CACNA1A: variants seen among roughly 807,000 people sequenced by gnomAD.
CACNA1A encodes the protein voltage-dependent P/Q-type calcium channel subunit alpha-1A.
Under a neutral mutation model 262.4 loss-of-function variants are expected in CACNA1A, and 57 were observed. That is an observed-to-expected ratio of 0.22 (90% CI 0.18 to 0.27). CACNA1A has a LOEUF of 0.27. Ranked by LOEUF, CACNA1A falls within the 10% of genes least tolerant of loss-of-function variation. The pLI, the probability that CACNA1A is intolerant of heterozygous loss-of-function variation, is 1.00. For synonymous variants in CACNA1A, 1,431 were observed against 1,419.3 expected, an observed-to-expected ratio of 1.01 and a Z score of -0.18; for missense variants, 2,526 against 3,562.8, an observed-to-expected ratio of 0.71 and a Z score of 7.41.
At chr19:13,223,290 T>C (rs891690134) in intron 38 of CACNA1A, among the ~76,000 whole-genome samples, 5 of 152,010 alleles carry the variant, frequency 3.3e-5, no homozygotes, top group Non-Finnish European at 1.5e-5. Context: ...GCCTCCCAGG[T>C]TCAAGCGATT....
At chr19:13,366,866 C>G (rs2059221903) in intron 4 of CACNA1A, among the ~76,000 whole-genome samples, 1 of 152,164 alleles carries the variant, frequency 6.6e-6, no homozygotes, top group South Asian at 2.1e-4. Context: ...AGGAACCAGA[C>G]TCAACATTAT....
intron 5 of CACNA1A, chr19:13,364,813 T>C (rs1054046211): frequency 6.6e-6 from 1 of 152,230 alleles, no homozygotes; most frequent in Non-Finnish European, 1.5e-5. Context: ...CTAATTTTTG[T>C]ATTTTTTAGT....
chr19:13,365,468 A>G lies in CACNA1A; in HGVS notation c.633T>C (p.Ser211=), dbSNP rs202216404. The change falls in exon 5 of 47, where the codon AGT becomes AGC. Residue 211 remains serine, a splice_region_variant and synonymous_variant. Transcript: ENST00000360228. ...TGATCGACTTCAGGACGACTTGTAA[A>G]CCTGGGGGGACACAGAGAGAGGCCC... ...RPLKLVSGIP[S]LQVVLKSIMK... 2.1e-4 allele frequency: 335 copies of G among 1,613,056 alleles called. No individual in the cohort carries two copies. Among genetic ancestry groups the G allele is most frequent in the Non-Finnish European group, 2.8e-4 (327 of 1,179,462 alleles).
At chr19:13,247,697 CAAAAATAAATAAAT>C (rs1203872398) in intron 30 of CACNA1A, among the ~76,000 whole-genome samples, 30 of 100,652 alleles carry the variant, frequency 3.0e-4, no homozygotes, top group African/African-American at 1.1e-3. Context: ...GAGACTCCGT[CAAAAATAAATAAAT>C]AAAAATAAAT....
intron 10 of CACNA1A, 39 bp downstream of exon 10, chr19:13,330,205 G>A: frequency 7.0e-7 from 1 of 1,422,458 alleles, no homozygotes; most frequent in Non-Finnish European, 9.7e-7. Flanking sequence ...TGGGCGATAG[G>A]TGATGAACAA....
chr19:13,451,411 A>G (rs11882861), intron 3 of CACNA1A: 31,184 of 152,150 alleles, frequency 0.2, 4,454 homozygotes, highest in East Asian at 0.52. Context: ...CTTAGAATAG[A>G]AGAGCCCAGA....
At chr19:13,367,167 C>T (rs78783832) in intron 4 of CACNA1A, among the ~76,000 whole-genome samples, 11,289 of 151,848 alleles carry the variant, frequency 0.074, 965 homozygotes, top group African/African-American at 0.21. Context: ...TGGTGGCCAG[C>T]GCCTGTAATC....
intron 38 of CACNA1A, among the ~76,000 whole-genome samples, chr19:13,221,293 G>T (rs1402906504): frequency 8.2e-6 from 1 of 121,892 alleles, no homozygotes; most frequent in Non-Finnish European, 1.6e-5. Flanking sequence ...GAGTGCAATG[G>T]TTTGATCTCG....
chr19:13,502,111 T>C (rs1484694819), intron 1 of CACNA1A, among the ~76,000 whole-genome samples: 1 of 147,772 alleles, frequency 6.8e-6, no homozygotes, highest in Non-Finnish European at 1.5e-5. Context: ...CTCCCATGTC[T>C]CCCAGCGCTT....
intron 43 of CACNA1A, chr19:13,211,865 C>A: frequency 2.0e-6 from 1 of 496,320 alleles, no homozygotes; most frequent in Non-Finnish European, 3.6e-6. Context: ...GGCCACTGCC[C>A]TCTGCCCCAG....
At chr19:13,393,292 G>T (rs1303486391) in intron 3 of CACNA1A, among the ~76,000 whole-genome samples, 3 of 152,196 alleles carry the variant, frequency 2.0e-5, no homozygotes, top group Non-Finnish European at 1.5e-5. Context: ...ACAGCGATGA[G>T]AACAAATGAA....
rs565122495 is a variant in CACNA1A, at chr19:13,305,366, G to A, written c.1987-1482C>T. Among the ~76,000 whole-genome samples the A allele has an allele frequency of 1.6e-4, 25 of 152,286 alleles. No homozygotes were observed. In the South Asian group the frequency reaches 4.1e-3, roughly 25 times the overall value. ...GGCAAAGGATTAGGTGTTGACAGAC[G>A]CAAGTTGTGCTGATGCATACTGAAA... On this transcript the variant is annotated intron_variant, in intron 15 of 46. Coordinates refer to ENST00000360228, the MANE Select transcript of CACNA1A (RefSeq NM_001127222.2).
chr19:13,267,083 GAACT>G (rs1320571640), intron 24 of CACNA1A, among the ~76,000 whole-genome samples: 2 of 152,008 alleles, frequency 1.3e-5, no homozygotes, highest in Admixed American at 6.6e-5. Context: ...AACAGGCCCA[GAACT>G]AACGAGGCTG....
At chr19:13,344,177 G>A (rs780600833) in intron 6 of CACNA1A, among the ~76,000 whole-genome samples, 13 of 140,744 alleles carry the variant, frequency 9.2e-5, no homozygotes, top group Admixed American at 7.5e-5. Context: ...TCATGCTGCT[G>A]TACTCCAGCC....
chr19:13,334,151 T>A (rs913373232), intron 8 of CACNA1A: 4 of 512,280 alleles, frequency 7.8e-6, no homozygotes, highest in Middle Eastern at 5.2e-4. Flanking sequence ...TAAACCAGCG[T>A]CTGATTTCAG....
rs765795081 is a variant in CACNA1A, at chr19:13,241,498, C to T, written c.4950+3684G>A. 1 of 1,343,596 alleles carries T rather than the reference C, an allele frequency of 7.4e-7. No homozygotes were observed. Among genetic ancestry groups the T allele is most frequent in the Non-Finnish European group, 9.8e-7 (1 of 1,015,924 alleles). The allele number at this position is 1,343,596 out of a possible 1,614,324, so 83.2% of individuals were successfully genotyped here. A position where few individuals can be genotyped will look rare whatever the true frequency, so the allele number is the denominator to read the frequency against. On this transcript the variant is annotated intron_variant, in intron 31 of 46. Coordinates refer to ENST00000360228, the MANE Select transcript of CACNA1A (RefSeq NM_001127222.2). The surrounding 1 kb of genome is among the most constrained non-coding windows in gnomAD (Gnocchi z 4.0). ...TCACAGTTAATGTAAGGCATTTAGA[C>T]TTCAGAAAGAAGTAAGACCAACCGG...
intron 9 of CACNA1A, among the ~76,000 whole-genome samples, chr19:13,331,538 C>G (rs1323530377): frequency 6.6e-6 from 1 of 152,026 alleles, no homozygotes; most frequent in Non-Finnish European, 1.5e-5. Flanking sequence ...CGCCCAGCCC[C>G]TGTCTAACCA....
intron 1 of CACNA1A, among the ~76,000 whole-genome samples, chr19:13,488,019 A>G (rs1439442910): frequency 6.6e-6 from 1 of 151,970 alleles, no homozygotes; most frequent in African/African-American, 2.4e-5. Context: ...GCTTCAAGCA[A>G]TCCTCCCATT....
intron 4 of CACNA1A, among the ~76,000 whole-genome samples, chr19:13,367,366 T>A (rs1315895303): frequency 6.8e-6 from 1 of 146,644 alleles, no homozygotes; most frequent in African/African-American, 2.5e-5. Flanking sequence ...TGAAGCCCCA[T>A]GTTTGCCCAT....
Sources: gnomAD v4.1 joint callset for allele counts (sites outside exome capture counted in the v4.1 genomes callset) on GRCh38, gnomAD v4.1.1 for gene constraint, Gnocchi (gnomAD v3.1) non-coding constraint, MANE v1.5 for transcripts, NCBI Gene and HGNC (gene_info 2026-07-23, HGNC 2026-07-21) for gene names.